Variants in FLNA observed in about 807,000 individuals in gnomAD.
FLNA encodes the protein filamin A.
Under a neutral mutation model 157.6 loss-of-function variants are expected in FLNA, and 7 were observed. That is an observed-to-expected ratio of 0.04 (90% CI 0.03 to 0.08). FLNA has a LOEUF of 0.08. FLNA is among the 10% of genes least tolerant of loss of function. The pLI is 1.00. For synonymous variants in FLNA, 1,103 were observed against 1,060.8 expected (o/e 1.04, Z -0.77); for missense variants, 1,750 against 2,398.4 (o/e 0.73, Z 5.65).
Position 154,364,731 on chromosome X carries a change from C to T in FLNA, c.1829-12G>A. 2 of 1,210,277 alleles carry T rather than the reference C, an allele frequency of 1.7e-6. No individual in the cohort carries two copies. Among genetic ancestry groups the T allele is most frequent in the Non-Finnish European group, 2.2e-6 (2 of 895,259 alleles). ...TTCCACCGAGAAGCCTGACAACAGC[C>T]ACCAGTCCCCTCAGTGCCCTGGAGC... On this transcript the variant is annotated splice_polypyrimidine_tract_variant and intron_variant, in intron 12 of 47. Coordinates refer to ENST00000369850, the MANE Select transcript of FLNA (RefSeq NM_001110556.2).
rs201486643 is a variant in FLNA at position 154,367,921 on chromosome X, C to T, written c.543G>A (p.Pro181=). ...RLLGWIQNKL[P]QLPITNFSRD... Reference sequence around the variant, plus strand: ...GGCTGAAGTTGGTGATGGGCAGCTGCGGCAGCTTGTTCTGGATCCAGCCCA... The same window carrying T: ...GGCTGAAGTTGGTGATGGGCAGCTGTGGCAGCTTGTTCTGGATCCAGCCCA... The change falls in exon 3 of 48, where the codon CCG becomes CCA. Residue 181 remains proline, a synonymous_variant. Coordinates refer to ENST00000369850, the MANE Select transcript of FLNA (RefSeq NM_001110556.2). 1.5e-4 allele frequency: 184 copies of T among 1,209,444 alleles called. No homozygotes were observed. The highest frequency in any genetic ancestry group is 2.3e-4 in the Middle Eastern group (1 of 4,354).
intron 9 of FLNA, among the ~76,000 whole-genome samples, chrX:154,365,711 C>T (rs1208552173): frequency 9.0e-6 from 1 of 110,917 alleles, no homozygotes; most frequent in Admixed American, 9.5e-5. Flanking sequence ...GCCCCCCACC[C>T]TCCCCCTTCC....
In FLNA at chrX:154,348,660, C is replaced by T. The variant is rs950246739; in HGVS notation, c.*189G>A. 2.1e-4 allele frequency: 86 copies of T among 418,565 alleles called. No homozygotes were observed. Among genetic ancestry groups the T allele is most frequent in the Non-Finnish European group, 3.2e-4 (79 of 245,453 alleles). 34.5% of individuals were successfully genotyped at this position (418,565 alleles called of 1,213,427 possible). A position where few individuals can be genotyped will look rare whatever the true frequency, so the allele number is the denominator to read the frequency against. ...CAGCGCCACCAAATGGCTCCCTCTGCCCAAGTGAAAGCCGAGAGGTCAGCG... is the reference window on the plus strand; with the variant it reads ...CAGCGCCACCAAATGGCTCCCTCTGTCCAAGTGAAAGCCGAGAGGTCAGCG... On this transcript the variant is annotated 3_prime_UTR_variant, in exon 48 of 48. Coordinates refer to ENST00000369850, the MANE Select transcript of FLNA (RefSeq NM_001110556.2).
chrX:154,351,507 G>T (rs2067618834), intron 43 of FLNA, 74 bp downstream of exon 43: 1 of 714,415 alleles, frequency 1.4e-6, no homozygotes, highest in Non-Finnish European at 2.2e-6. Context: ...CAGGGCCAAG[G>T]CCTGGTCTCT....
rs782804253 is a variant in FLNA at position 154,361,561 on chromosome X, A to G, written c.2954T>C (p.Val985Ala). ...KVSGLGEKVD[V>A]GKDQEFTVKS... ...GACTGTGAACTCCTGGTCTTTGCCA[A>G]CGTCCACCTCTGTGGAAACGATGAA... The change falls in exon 21 of 48, where the codon GTT becomes GCT. Residue 985 changes from valine (V) to alanine (A), a missense_variant. Val to Ala is a moderately conservative substitution (Grantham distance 64). Around this residue, in one of 5 missense-constraint regions of FLNA, gnomAD observed 648 missense variants for 805.8 expected, o/e 0.80. Coordinates refer to ENST00000369850, the MANE Select transcript of FLNA (RefSeq NM_001110556.2). The G allele has an allele frequency of 8.3e-5, 100 of 1,209,705 alleles. No individual in the cohort carries two copies. The South Asian group carries it at 1.7e-3, about 21-fold the overall frequency.
chrX:154,359,956 C>G (rs995319615), intron 22 of FLNA, 34 bp downstream of exon 22: 1 of 1,205,565 alleles, frequency 8.3e-7, no homozygotes, highest in South Asian at 1.8e-5. Context: ...TGGTCCCTGT[C>G]CCCCGTCACA....
In FLNA at chrX:154,353,053, G is replaced by T; in HGVS notation, c.6174C>A (p.His2058Gln). 8.3e-7 allele frequency: 1 copy of T among 1,211,477 alleles called. No homozygotes were observed. The highest frequency in any genetic ancestry group is 1.1e-6 in the Non-Finnish European group (1 of 895,317). The change falls in exon 38 of 48, where the codon CAC becomes CAA. Residue 2058 changes from histidine (H) to glutamine (Q), a missense_variant. Around this residue, in one of 5 missense-constraint regions of FLNA, gnomAD observed 970 missense variants for 1,302.6 expected, o/e 0.74. Transcript: ENST00000369850. ...CTGCAGGCTCAAAGGTGTGGCCTTC[G>T]TGAAGGCCCTGACCAGAGACCCGAA... ...SRVRVSGQGL[H>Q]EGHTFEPAEF...
chrX:154,361,068 AAAAAAAAAAAAGAAAG>A, intron 21 of FLNA, among the ~76,000 whole-genome samples: 1 of 93,467 alleles, frequency 1.1e-5, no homozygotes, highest in African/African-American at 4.1e-5. Flanking sequence ...AAAAAAAAAA[AAAAAAAAAAAAGAAAG>A]AAAAAAAAAA....
intron 1 of FLNA, among the ~76,000 whole-genome samples, chrX:154,371,631 GA>G (rs2067809603): frequency 8.8e-6 from 1 of 113,425 alleles, no homozygotes. Flanking sequence ...CTAGAGCGAG[GA>G]AAGGCTGAGC....
In FLNA at chrX:154,361,471, G is replaced by C; in HGVS notation, c.3044C>G (p.Ala1015Gly). The change falls in exon 21 of 48, where the codon GCG becomes GGG. Residue 1015 changes from alanine (A) to glycine (G), a missense_variant. Physicochemically the swap from Ala to Gly is moderately conservative, Grantham distance 60. Around this residue, in one of 5 missense-constraint regions of FLNA, gnomAD observed 648 missense variants for 805.8 expected, o/e 0.80. Coordinates refer to ENST00000369850, the MANE Select transcript of FLNA (RefSeq NM_001110556.2). ...GCCTGGCTCCACCTTGCAGGGCACC[G>C]CTGCACCCGAGGGGCCCACAATCTT... is the stretch of plus-strand genomic sequence containing the variant. ...ASKIVGPSGAAVPCKVEPGLG... is the reference protein window; with the variant it reads ...ASKIVGPSGAGVPCKVEPGLG... 8.3e-7 allele frequency: 1 copy of C among 1,210,926 alleles called. No homozygotes were observed. The highest frequency in any genetic ancestry group is 1.1e-6 in the Non-Finnish European group (1 of 895,188).
intron 11 of FLNA, 39 bp from the exon 12 acceptor site, chrX:154,364,996 A>G: frequency 8.3e-7 from 1 of 1,210,233 alleles, no homozygotes; most frequent in Non-Finnish European, 1.1e-6. Context: ...ACCGAGGATC[A>G]CCACATGAGC....
chrX:154,364,462 TC>T, intron 13 of FLNA, 63 bp downstream of exon 13: 1 of 1,188,596 alleles, frequency 8.4e-7, no homozygotes, highest in Non-Finnish European at 1.1e-6. Flanking sequence ...CAGAGTGCCA[TC>T]CCCACCAGAC....
At position 154,354,498 on chromosome X, in the gene FLNA, C is replaced by G. The variant is rs782775423; in HGVS notation, c.5314-15G>C. 14 of 1,201,228 alleles carry G rather than the reference C, an allele frequency of 1.2e-5. No homozygotes were observed. In the South Asian group the frequency reaches 2.3e-4, roughly 20 times the overall value. The stretch of plus-strand genomic sequence containing the variant: ...CTCTCCGGGGCCTGCAGTGGAGACA[C>G]AGGGCATGGGTGAGGGACAGTGGGA... On this transcript the variant is annotated splice_polypyrimidine_tract_variant and intron_variant, in intron 32 of 47. Coordinates refer to ENST00000369850, the MANE Select transcript of FLNA (RefSeq NM_001110556.2).
rs886039070 is a variant in FLNA, at chrX:154,366,595, G to T, written c.1032C>A (p.Val344=). 16 of 1,210,817 alleles carry T rather than the reference G, an allele frequency of 1.3e-5. No individual in the cohort carries two copies. In the Admixed American group the frequency reaches 3.5e-4, roughly 26 times the overall value. Residue 344 remains valine, a synonymous_variant, in exon 7 of 48, where the codon GTC becomes GTA. Coordinates refer to ENST00000369850, the MANE Select transcript of FLNA (RefSeq NM_001110556.2). The part of the protein sequence containing the change: ...ANNDKNRTFS[V]WYVPEVTGTH... The stretch of plus-strand genomic sequence containing the variant: ...TCCCCGTCACCTCGGGGACGTACCA[G>T]ACGGAGAAGGTGCGGTTCTTGTCGT...
Position 154,358,548 on chromosome X carries a change from C to T in FLNA, c.4495G>A (p.Val1499Met), listed in dbSNP as rs782701954. The T allele has an allele frequency of 2.4e-5, 29 of 1,208,343 alleles. No individual in the cohort carries two copies. The highest frequency in any genetic ancestry group is 3.2e-5 in the Non-Finnish European group (29 of 894,556). The change falls in exon 27 of 48, where the codon GTG (valine) becomes ATG (methionine). Residue 1499 changes from valine to methionine, a missense_variant. Physicochemically the swap from Val to Met is conservative, Grantham distance 21. Coordinates refer to ENST00000369850, the MANE Select transcript of FLNA (RefSeq NM_001110556.2). ...GPKGLVEPVD[V>M]VDNADGTQTV... ...TGGGTGCCATCAGCGTTGTCTACCA[C>T]GTCCACTGGCTCCACCAGGCCTGGC...
At chrX:154,351,541 C>T in intron 43 of FLNA, 40 bp downstream of exon 43, 1 of 963,247 alleles carries the variant, frequency 1.0e-6, no homozygotes, top group East Asian at 3.1e-5. Context: ...TCTGTCCGGG[C>T]CCAGGAGCCC....
chrX:154,351,844 C>G lies in FLNA; in HGVS notation c.6907+40G>C, dbSNP rs200278127. 4.6e-5 allele frequency: 55 copies of G among 1,204,144 alleles called. No individual in the cohort carries two copies. The African/African-American group carries it at 9.1e-4, about 20-fold the overall frequency. On this transcript the variant is annotated intron_variant, in intron 42 of 47. Coordinates refer to ENST00000369850, the MANE Select transcript of FLNA (RefSeq NM_001110556.2). ...CAGCCCTGGGTCCAATACCCACACTCAGGCCCCACCTCCTCCAACCCCAGC... is the reference window on the plus strand; with the variant it reads ...CAGCCCTGGGTCCAATACCCACACTGAGGCCCCACCTCCTCCAACCCCAGC...
At position 154,364,506 on chromosome X, in the gene FLNA, C is replaced by T; in HGVS notation, c.2022+20G>A. 1 of 1,207,232 alleles carries T rather than the reference C, an allele frequency of 8.3e-7. No homozygotes were observed. The highest frequency in any genetic ancestry group is 1.1e-6 in the Non-Finnish European group (1 of 893,750). On this transcript the variant is annotated intron_variant, in intron 13 of 47. Transcript: ENST00000369850. ...AGGAGCAGCAGGGCGAGACTTAGGC[C>T]ATCACAGCCTGCTCTTTACCCTGTC...
chrX:154,369,627 C>T (rs1447716685), intron 2 of FLNA, among the ~76,000 whole-genome samples: 1 of 111,138 alleles, frequency 9.0e-6, no homozygotes, highest in Admixed American at 9.5e-5. Context: ...CTCCAGCCAG[C>T]TCACAAGGAG....
Sources: gnomAD v4.1 joint callset for allele counts (sites outside exome capture counted in the v4.1 genomes callset) on GRCh38, gnomAD v4.1.1 for gene constraint, gnomAD v4.1.1 regional missense constraint, MANE v1.5 for transcripts, NCBI Gene and HGNC (gene_info 2026-07-23, HGNC 2026-07-21) for gene names.